LRGUK: variants seen among roughly 807,000 people sequenced by gnomAD.
The protein encoded by LRGUK is leucine-rich repeat and guanylate kinase domain-containing protein.
LRGUK carries 65 observed loss-of-function variants against 76.0 expected under a neutral mutation model. The ratio of observed to expected loss-of-function variants is 0.85; its 90% confidence interval spans 0.70 to 1.05. The LOEUF is 1.05. Among genes scored for constraint, LRGUK ranks in the 50% least tolerant of loss-of-function variants. LRGUK has a pLI of 0.00. For missense variants in LRGUK, 758 were observed against 732.8 expected, an observed-to-expected ratio of 1.03 and a Z score of -0.40; for synonymous variants, 268 against 265.6, an observed-to-expected ratio of 1.01 and a Z score of -0.09.
intron 2 of LRGUK, among the ~76,000 whole-genome samples, chr7:134,138,609 T>A (rs1305692695): frequency 6.6e-6 from 1 of 152,204 alleles, no homozygotes; most frequent in Admixed American, 6.5e-5. Context: ...ATTATTACTG[T>A]TCTAGCGGCC....
downstream of LRGUK, chr7:134,210,299 C>G: frequency 2.5e-6 from 1 of 398,752 alleles, no homozygotes; most frequent in Non-Finnish European, 4.4e-6. Context: ...ATCTGAGCAA[C>G]CAGAGAAGCA....
intron 11 of LRGUK, among the ~76,000 whole-genome samples, chr7:134,185,691 A>G: frequency 6.6e-6 from 1 of 152,196 alleles, no homozygotes; most frequent in East Asian, 1.9e-4. Flanking sequence ...CTACAAAGAT[A>G]TATAGGACAG....
At chr7:134,183,325 A>G (rs2117020224) in intron 10 of LRGUK, among the ~76,000 whole-genome samples, 1 of 152,358 alleles carries the variant, frequency 6.6e-6, no homozygotes, top group East Asian at 1.9e-4. Flanking sequence ...TTTAGCTATT[A>G]CTGTTAAGTT....
intron 18 of LRGUK, among the ~76,000 whole-genome samples, chr7:134,255,249 AC>A: frequency 6.6e-6 from 1 of 151,686 alleles, no homozygotes; most frequent in African/African-American, 2.4e-5. Flanking sequence ...ACACACACAC[AC>A]ACACACACAC....
chr7:134,241,760 C>T (rs543099810), intron 16 of LRGUK, among the ~76,000 whole-genome samples: 3 of 152,208 alleles, frequency 2.0e-5, no homozygotes, highest in Non-Finnish European at 4.4e-5. Flanking sequence ...ACATTCTTCT[C>T]AGCACCACAT....
In LRGUK at chr7:134,162,127, G is replaced by A. The variant is rs118097767; in HGVS notation, c.796-1270G>A. On this transcript the variant is annotated intron_variant, in intron 6 of 15. Coordinates refer to ENST00000645682, the Ensembl canonical transcript of LRGUK. Reference sequence around the variant, plus strand: ...GAAAAACTTGGTTTGGTTATCTACTGTTGCATAACAAGCCACCCCAGTTGT... The same window carrying A: ...GAAAAACTTGGTTTGGTTATCTACTATTGCATAACAAGCCACCCCAGTTGT... Among the ~76,000 whole-genome samples the A allele has an allele frequency of 9.1e-3, 1,386 of 152,242 alleles. 12 individuals carry two copies. The highest frequency in any genetic ancestry group is 0.014 in the Non-Finnish European group (961 of 68,002).
chr7:134,160,608 G>A (rs991240242), intron 6 of LRGUK, among the ~76,000 whole-genome samples: 4 of 152,122 alleles, frequency 2.6e-5, no homozygotes, highest in East Asian at 1.9e-4. Context: ...GTTAATTCTC[G>A]AATGTCAACT....
At chr7:134,174,107 C>CAAAAAA (rs112357506) in intron 7 of LRGUK, among the ~76,000 whole-genome samples, 4 of 80,694 alleles carry the variant, frequency 5.0e-5, no homozygotes, top group Non-Finnish European at 1.1e-4. Flanking sequence ...GACTCCATCG[C>CAAAAAA]AAAAAAAAAA....
chr7:134,216,587 C>T (rs1373441226), intron 15 of LRGUK, among the ~76,000 whole-genome samples: 1 of 152,064 alleles, frequency 6.6e-6, no homozygotes, highest in African/African-American at 2.4e-5. Flanking sequence ...TCAATAAATG[C>T]TATCTGTTAT....
intron 3 of LRGUK, 142 bp downstream of exon 3, chr7:134,139,659 A>C (rs1251218896): frequency 3.2e-5 from 18 of 562,584 alleles, no homozygotes; most frequent in Non-Finnish European, 4.5e-5. Flanking sequence ...TTTCCATGTA[A>C]AAAAGGCACC....
chr7:134,167,854 G>A (rs1189763756), intron 7 of LRGUK, among the ~76,000 whole-genome samples: 1 of 152,104 alleles, frequency 6.6e-6, no homozygotes, highest in Non-Finnish European at 1.5e-5. Flanking sequence ...GGCCTCTCCA[G>A]CACCCCCTCC....
chr7:134,143,710 C>T lies in LRGUK; in HGVS notation c.588+548C>T, dbSNP rs111808495. On this transcript the variant is annotated intron_variant, in intron 4 of 15. Coordinates refer to ENST00000645682, the Ensembl canonical transcript of LRGUK. ...TTTCAGATCTCCATTCTTGCTTCTCCGCACTTGCTTTTGCATTTCTGAAGC... is the reference window on the plus strand; with the variant it reads ...TTTCAGATCTCCATTCTTGCTTCTCTGCACTTGCTTTTGCATTTCTGAAGC... 2.1e-3 allele frequency among the ~76,000 whole-genome samples: 312 copies of T among 152,068 alleles called. 3 individuals are homozygous for T. Among genetic ancestry groups the T allele is most frequent in the African/African-American group, 6.6e-3 (274 of 41,366 alleles).
intron 16 of LRGUK, 63 bp downstream of exon 16, chr7:134,221,981 G>A: frequency 1.5e-6 from 2 of 1,375,132 alleles, no homozygotes; most frequent in South Asian, 2.0e-5. Context: ...GACAAAGAGG[G>A]GATTTAATAT....
intron 18 of LRGUK, among the ~76,000 whole-genome samples, chr7:134,249,850 G>A (rs572737584): frequency 2.0e-5 from 3 of 152,202 alleles, no homozygotes; most frequent in African/African-American, 4.8e-5. Context: ...TGACCATCTC[G>A]CTGTAGGTCT....
intron 1 of LRGUK, among the ~76,000 whole-genome samples, chr7:134,136,429 G>C (rs763815767): frequency 6.6e-6 from 1 of 152,204 alleles, no homozygotes; most frequent in Non-Finnish European, 1.5e-5. Context: ...ACCAGATTTA[G>C]AGAGATAATT....
chr7:134,150,283 C>CAAAAAAAACA (rs1798158765), intron 5 of LRGUK, among the ~76,000 whole-genome samples: 1 of 147,138 alleles, frequency 6.8e-6, no homozygotes, highest in East Asian at 2.0e-4. Flanking sequence ...TCTCAAAAAA[C>CAAAAAAAACA]AAAAAAAACA....
rs73439497 is a variant in LRGUK, at chr7:134,183,628, T to C, written c.1215-106T>C. ...AACTATTCTTCTACGCAGGGTCTTA[T>C]ATAGCAAGTGCTCATTTAGCCAGGT... On this transcript the variant is annotated intron_variant, in intron 10 of 15. Coordinates refer to ENST00000645682, the Ensembl canonical transcript of LRGUK. 1.8e-3 allele frequency: 2,199 copies of C among 1,252,328 alleles called. 42 individuals carry two copies. The African/African-American group carries it at 0.029, about 17-fold the overall frequency. The allele number at this position is 1,252,328 out of a possible 1,614,324, so 77.6% of individuals were successfully genotyped here.
At chr7:134,226,346 C>A (rs769054446) in intron 16 of LRGUK, among the ~76,000 whole-genome samples, 1 of 151,960 alleles carries the variant, frequency 6.6e-6, no homozygotes, top group Non-Finnish European at 1.5e-5. Flanking sequence ...AAATCCACCT[C>A]AAAACTCACT....
intron 7 of LRGUK, among the ~76,000 whole-genome samples, chr7:134,164,933 C>T (rs1338135497): frequency 6.6e-6 from 1 of 152,178 alleles, no homozygotes; most frequent in Non-Finnish European, 1.5e-5. Flanking sequence ...AACCTTTGTT[C>T]ACTGTACCAC....
Sources: allele counts gnomAD v4.1 joint callset (sites outside exome capture counted in the v4.1 genomes callset), GRCh38; gene constraint gnomAD v4.1.1; transcripts MANE v1.5; gene names NCBI Gene and HGNC (gene_info 2026-07-23, HGNC 2026-07-21).